Variants in PEX5L observed in about 807,000 individuals in gnomAD.
PEX5L encodes peroxisomal biogenesis factor 5 like.
A neutral mutation model predicts 84.0 loss-of-function variants in PEX5L; 30 were observed. The ratio of observed to expected loss-of-function variants is 0.36; its 90% CI spans 0.27 to 0.48. The LOEUF (loss-of-function observed/expected upper bound fraction) is 0.48, where lower values mean the gene tolerates loss of function less well. Ranked by LOEUF, PEX5L falls within the 20% of genes least tolerant of loss-of-function variation. The pLI is 0.99. For missense variants in PEX5L, 533 were observed against 754.6 expected (o/e 0.71, Z 3.44); for synonymous variants, 270 against 283.1 (o/e 0.95, Z 0.46).
At position 179,979,388 on chromosome 3, in the gene PEX5L, T is replaced by C. The variant is rs1478114003; in HGVS notation, c.22-7723A>G. Among the ~76,000 whole-genome samples, 4 of 152,336 alleles carry C rather than the reference T, an allele frequency of 2.6e-5. No homozygotes were observed. The South Asian group carries it at 8.3e-4, about 32-fold the overall frequency. On this transcript the variant is annotated intron_variant, in intron 1 of 14. Coordinates refer to ENST00000467460, the MANE Select transcript of PEX5L (RefSeq NM_016559.3). ...TAATCATAGGATGCAGTGACCAATA[T>C]GTAAAAAATTGTTTTCTGTGGGCTG...
In PEX5L at chr3:179,795,582, C is replaced by T. The variant is rs1281350531; in HGVS notation, c.*6246G>A. 1 of 152,000 alleles carries T rather than the reference C, an allele frequency of 6.6e-6. No individual in the cohort carries two copies. The highest frequency in any genetic ancestry group is 1.5e-5 in the Non-Finnish European group (1 of 67,980). 9.4% of individuals were successfully genotyped at this position (152,000 alleles called of 1,614,324 possible). On this transcript the variant is annotated 3_prime_UTR_variant, in exon 15 of 15. Coordinates refer to ENST00000467460, the MANE Select transcript of PEX5L (RefSeq NM_016559.3). Reference sequence around the variant, plus strand: ...CTTTAAAATCCCCTCCCCCCCATTGCCATTAATTTACTATAGGTCACTTAA... The same window carrying T: ...CTTTAAAATCCCCTCCCCCCCATTGTCATTAATTTACTATAGGTCACTTAA...
intron 8 of PEX5L, among the ~76,000 whole-genome samples, chr3:179,831,794 C>A (rs370298245): frequency 6.6e-6 from 1 of 152,264 alleles, no homozygotes; most frequent in East Asian, 1.9e-4. Flanking sequence ...GGAGGAACAG[C>A]ATATGTAAAA....
At chr3:179,850,292 AATTTTTGT>A (rs1741314782) in intron 8 of PEX5L, among the ~76,000 whole-genome samples, 2 of 151,816 alleles carry the variant, frequency 1.3e-5, no homozygotes, top group African/African-American at 2.4e-5. Context: ...ATGCCTGGCT[AATTTTTGT>A]ACTTTTAGTA....
At chr3:180,029,207 T>C (rs1168585507) in intron 1 of PEX5L, among the ~76,000 whole-genome samples, 4 of 152,168 alleles carry the variant, frequency 2.6e-5, no homozygotes, top group Admixed American at 2.6e-4. Context: ...TTGTTATTTT[T>C]TAATAGAGAC....
intron 2 of PEX5L, among the ~76,000 whole-genome samples, chr3:179,922,451 CT>C (rs35332742): frequency 0.015 from 2,027 of 133,990 alleles, 16 homozygotes; most frequent in Non-Finnish European, 0.019. Flanking sequence ...CTTTTCTTTT[CT>C]TTTTTTTTTT....
At chr3:179,889,518 T>G (rs546586958) in intron 3 of PEX5L, among the ~76,000 whole-genome samples, 3 of 152,366 alleles carry the variant, frequency 2.0e-5, no homozygotes, top group Admixed American at 6.5e-5. Flanking sequence ...GGATGGGCTT[T>G]GAGAACGCTT....
chr3:179,888,816 G>A (rs1173098855), intron 3 of PEX5L, among the ~76,000 whole-genome samples: 1 of 152,088 alleles, frequency 6.6e-6, no homozygotes. Flanking sequence ...CCAGGCTGGA[G>A]TGCAGTGGCA....
intron 1 of PEX5L, chr3:179,973,387 T>C: frequency 9.0e-7 from 1 of 1,112,702 alleles, no homozygotes; most frequent in Non-Finnish European, 1.1e-6. Context: ...GTCTTGACTT[T>C]GTAAACATTG....
At chr3:179,899,823 T>C (rs1237062021) in intron 2 of PEX5L, among the ~76,000 whole-genome samples, 1 of 152,194 alleles carries the variant, frequency 6.6e-6, no homozygotes, top group Non-Finnish European at 1.5e-5. Context: ...TACTAGAGAT[T>C]TTATTCAGCA....
intron 8 of PEX5L, among the ~76,000 whole-genome samples, chr3:179,854,341 AT>A (rs1406150494): frequency 6.6e-6 from 1 of 152,016 alleles, no homozygotes; most frequent in Non-Finnish European, 1.5e-5. Context: ...TGGATAATGT[AT>A]TTTAGGGCAC....
chr3:179,817,234 A>T (rs1726504322), intron 9 of PEX5L, among the ~76,000 whole-genome samples: 1 of 152,246 alleles, frequency 6.6e-6, no homozygotes, highest in Admixed American at 6.5e-5. Flanking sequence ...AATTTAAAGA[A>T]TACAGGATGT....
Position 179,801,815 on chromosome 3 carries a change from T to G in PEX5L, c.*13A>C. ...ACAGATCAGGGATTATTAGTACTGG[T>G]ATTATTCTTTCTTCAAGGATCCAAG... is the stretch of plus-strand genomic sequence containing the variant. On this transcript the variant is annotated 3_prime_UTR_variant, in exon 15 of 15. Transcript: ENST00000467460. 1 of 1,471,942 alleles carries G rather than the reference T, an allele frequency of 6.8e-7. No homozygotes were observed. The highest frequency in any genetic ancestry group is 9.5e-7 in the Non-Finnish European group (1 of 1,049,966). 91.2% of individuals were successfully genotyped at this position (1,471,942 alleles called of 1,614,324 possible).
At chr3:179,962,816 A>C (rs7637337) in intron 2 of PEX5L, among the ~76,000 whole-genome samples, 115,364 of 152,142 alleles carry the variant, frequency 0.76, 44,086 homozygotes, top group East Asian at 0.96. Context: ...TTTCATATAT[A>C]ACATCATTTT....
intron 1 of PEX5L, among the ~76,000 whole-genome samples, chr3:179,994,715 C>T (rs1356161854): frequency 6.6e-6 from 1 of 152,028 alleles, no homozygotes; most frequent in East Asian, 1.9e-4. Flanking sequence ...ACATGTGAGT[C>T]AGTGGGCTGG....
chr3:179,935,416 C>G (rs147840665), intron 2 of PEX5L, among the ~76,000 whole-genome samples: 2 of 152,120 alleles, frequency 1.3e-5, no homozygotes, highest in Non-Finnish European at 2.9e-5. Flanking sequence ...TTTTCTACCA[C>G]GAGCGTATAT....
chr3:179,835,600 G>A (rs1560299667), intron 8 of PEX5L, among the ~76,000 whole-genome samples: 1 of 152,196 alleles, frequency 6.6e-6, no homozygotes, highest in Non-Finnish European at 1.5e-5. Context: ...CAAGAGAAAT[G>A]TGAATTGAAG....
chr3:179,962,051 A>G (rs1419839797), intron 2 of PEX5L, among the ~76,000 whole-genome samples: 1 of 152,272 alleles, frequency 6.6e-6, no homozygotes, highest in South Asian at 2.1e-4. Context: ...AATCTTTAAT[A>G]TCTATACCCT....
At chr3:180,035,197 A>G (rs1426315296) in intron 1 of PEX5L, among the ~76,000 whole-genome samples, 2 of 152,166 alleles carry the variant, frequency 1.3e-5, no homozygotes, top group Non-Finnish European at 2.9e-5. Context: ...TAAAATTGTA[A>G]GTATCATTCT....
chr3:179,956,767 A>T (rs1056782194), intron 2 of PEX5L, among the ~76,000 whole-genome samples: 1 of 152,188 alleles, frequency 6.6e-6, no homozygotes, highest in Non-Finnish European at 1.5e-5. Context: ...GCGACGCAAC[A>T]TGCACGGTGC....
Sources: gnomAD v4.1 joint callset for allele counts (sites outside exome capture counted in the v4.1 genomes callset) on GRCh38, gnomAD v4.1.1 for gene constraint, MANE v1.5 for transcripts, NCBI Gene and HGNC (gene_info 2026-07-23, HGNC 2026-07-21) for gene names.